GTF2E2: variants seen among roughly 807,000 people sequenced by gnomAD.
GTF2E2 encodes transcription initiation factor IIE subunit beta.
Under a neutral mutation model 40.5 loss-of-function variants are expected in GTF2E2, and 21 were observed. That is an observed-to-expected ratio of 0.52 (90% CI 0.37 to 0.75). The LOEUF (loss-of-function observed/expected upper bound fraction) is 0.75, where lower values mean the gene tolerates loss of function less well. Among genes scored for constraint, GTF2E2 ranks in the 30% least tolerant of loss-of-function variants. The pLI, the probability that GTF2E2 is intolerant of heterozygous loss-of-function variation, is 0.00. For missense variants in GTF2E2, 298 were observed against 338.4 expected, an observed-to-expected ratio of 0.88 and a Z score of 0.94; for synonymous variants, 117 against 121.6, an observed-to-expected ratio of 0.96 and a Z score of 0.25.
chr8:30,586,145 T>A (rs1828677094), intron 6 of GTF2E2, among the ~76,000 whole-genome samples: 1 of 152,228 alleles, frequency 6.6e-6, no homozygotes, highest in African/African-American at 2.4e-5. Flanking sequence ...TCCTCCCTTT[T>A]CCTTTAACAA....
intron 5 of GTF2E2, among the ~76,000 whole-genome samples, chr8:30,611,669 G>C (rs558334051): frequency 1.3e-5 from 2 of 152,260 alleles, no homozygotes; most frequent in East Asian, 1.9e-4. Context: ...GGGACTTGTA[G>C]TACAATACCA....
intron 3 of GTF2E2, among the ~76,000 whole-genome samples, chr8:30,617,024 T>A (rs2151132428): frequency 6.6e-6 from 1 of 152,148 alleles, no homozygotes; most frequent in East Asian, 1.9e-4. Flanking sequence ...GGATGACAGG[T>A]GAGAACAAGA....
At chr8:30,611,982 G>A (rs1297593625) in intron 5 of GTF2E2, among the ~76,000 whole-genome samples, 1 of 152,120 alleles carries the variant, frequency 6.6e-6, no homozygotes, top group Admixed American at 6.6e-5. Flanking sequence ...TAGTATTATA[G>A]AAGACACTCT....
chr8:30,618,182 A>C (rs1800979789), intron 3 of GTF2E2, among the ~76,000 whole-genome samples: 1 of 139,502 alleles, frequency 7.2e-6, no homozygotes, highest in Non-Finnish European at 1.5e-5. Context: ...CCGTAATCCC[A>C]GCTACTCAGG....
chr8:30,616,963 A>G (rs899584286), intron 3 of GTF2E2, among the ~76,000 whole-genome samples: 1 of 152,184 alleles, frequency 6.6e-6, no homozygotes, highest in South Asian at 2.1e-4. Context: ...ATCACAAGAA[A>G]CTAATAAAAG....
chr8:30,638,807 A>C (rs528234734), intron 2 of GTF2E2, among the ~76,000 whole-genome samples: 15 of 152,326 alleles, frequency 9.8e-5, no homozygotes, highest in African/African-American at 3.1e-4. Flanking sequence ...AAATATGAAG[A>C]CTGCCTTGTG....
intron 5 of GTF2E2, among the ~76,000 whole-genome samples, 194 bp downstream of exon 5, chr8:30,612,105 G>A (rs764882687): frequency 3.9e-5 from 6 of 152,178 alleles, no homozygotes; most frequent in Non-Finnish European, 7.3e-5. Context: ...ACCCGTCAAA[G>A]TTACACAGAG....
intron 6 of GTF2E2, among the ~76,000 whole-genome samples, chr8:30,596,466 ATC>A (rs1454111711): frequency 6.6e-6 from 1 of 152,164 alleles, no homozygotes; most frequent in Non-Finnish European, 1.5e-5. Flanking sequence ...TACAGTGTCT[ATC>A]TCTCTGCTGA....
At chr8:30,653,748 A>G (rs1004872120) in intron 1 of GTF2E2, 146 bp from the exon 2 acceptor site, 7 of 623,792 alleles carry the variant, frequency 1.1e-5, no homozygotes, top group African/African-American at 9.2e-5. Flanking sequence ...CACTTATTCA[A>G]GTACTCAAGA....
intron 3 of GTF2E2, among the ~76,000 whole-genome samples, chr8:30,634,158 A>G (rs989635244): frequency 2.0e-5 from 3 of 152,240 alleles, no homozygotes; most frequent in African/African-American, 7.2e-5. Context: ...GTTAAGATTC[A>G]AAGTCTTGGT....
intron 5 of GTF2E2, among the ~76,000 whole-genome samples, chr8:30,608,993 C>A (rs1461378969): frequency 1.3e-5 from 2 of 152,142 alleles, no homozygotes; most frequent in African/African-American, 2.4e-5. Flanking sequence ...TCGTGATCCA[C>A]CCGCCTCGGC....
chr8:30,579,973 T>C (rs1310844829), intron 7 of GTF2E2, among the ~76,000 whole-genome samples: 1 of 152,024 alleles, frequency 6.6e-6, no homozygotes, highest in African/African-American at 2.4e-5. Context: ...CCTTTAAGAA[T>C]AGGGAGAAGG....
At chr8:30,583,271 G>T (rs1457876632) in intron 6 of GTF2E2, among the ~76,000 whole-genome samples, 3 of 152,178 alleles carry the variant, frequency 2.0e-5, no homozygotes, top group South Asian at 4.1e-4. Flanking sequence ...GAGGCGGAGG[G>T]TGCAGTGAGC....
intron 6 of GTF2E2, among the ~76,000 whole-genome samples, chr8:30,603,154 G>A (rs1829229416): frequency 6.6e-6 from 1 of 152,064 alleles, no homozygotes; most frequent in African/African-American, 2.4e-5. Context: ...GCACTTAGGA[G>A]GAGACCATTA....
intron 6 of GTF2E2, among the ~76,000 whole-genome samples, chr8:30,581,410 C>CAA (rs1243046371): frequency 6.6e-6 from 1 of 152,170 alleles, no homozygotes; most frequent in Non-Finnish European, 1.5e-5. Context: ...CTTTCCTTTT[C>CAA]CCCTTTTCCT....
At chr8:30,619,710 G>T (rs1240117064) in intron 3 of GTF2E2, among the ~76,000 whole-genome samples, 2 of 151,858 alleles carry the variant, frequency 1.3e-5, no homozygotes, top group Non-Finnish European at 2.9e-5. Flanking sequence ...TTTTAAAATG[G>T]GAGTTTACTA....
At chr8:30,623,887 GT>G (rs1801187506) in intron 3 of GTF2E2, among the ~76,000 whole-genome samples, 1 of 151,860 alleles carries the variant, frequency 6.6e-6, no homozygotes, top group Non-Finnish European at 1.5e-5. Flanking sequence ...ATTTGTTTGA[GT>G]TCTTTGTAGA....
chr8:30,620,996 T>C (rs1248586135), intron 3 of GTF2E2, among the ~76,000 whole-genome samples: 2 of 151,658 alleles, frequency 1.3e-5, no homozygotes, highest in Non-Finnish European at 2.9e-5. Context: ...CTTTTGGATA[T>C]ATGGATCTGG....
intron 5 of GTF2E2, among the ~76,000 whole-genome samples, chr8:30,608,031 A>G (rs1386405919): frequency 1.3e-5 from 2 of 152,182 alleles, no homozygotes; most frequent in African/African-American, 4.8e-5. Context: ...TTGTCTTTTA[A>G]CTTTCATTGA....
Sources: allele counts gnomAD v4.1 joint callset (sites outside exome capture counted in the v4.1 genomes callset), GRCh38; gene constraint gnomAD v4.1.1; transcripts MANE v1.5; gene names NCBI Gene and HGNC (gene_info 2026-07-23, HGNC 2026-07-21).